The following STAM2 variants were observed in gnomAD, a reference collection of about 807,000 sequenced individuals.
STAM2 encodes the protein signal transducing adapter molecule 2.
In STAM2, 51 loss-of-function variants were observed where a neutral mutation model predicts 65.6. The ratio of observed to expected loss-of-function variants is 0.78; its 90% CI spans 0.62 to 0.98. The LOEUF (loss-of-function observed/expected upper bound fraction) is 0.98. Among genes scored for constraint, STAM2 ranks in the 50% least tolerant of loss-of-function variants. The probability of loss-of-function intolerance (pLI) is 0.00; values close to 1 mark genes in which losing one functional copy is unlikely to be tolerated. For missense variants in STAM2, 584 were observed against 617.8 expected (o/e 0.95, Z 0.58); for synonymous variants, 198 against 208.4 (o/e 0.95, Z 0.43).
intron 1 of STAM2, among the ~76,000 whole-genome samples, chr2:152,154,215 CAG>C (rs1487026219): frequency 6.6e-6 from 1 of 152,118 alleles, no homozygotes; most frequent in Non-Finnish European, 1.5e-5. Context: ...AAAAATCACT[CAG>C]TGGTGGTGGA....
At position 152,164,341 on chromosome 2, in the gene STAM2, C is replaced by CT. The variant is rs1195012082; in HGVS notation, c.40+11261dup. Among the ~76,000 whole-genome samples, 718 of 141,816 alleles carry CT rather than the reference C, an allele frequency of 5.1e-3. 3 individuals are homozygous for CT. The highest frequency in any genetic ancestry group is 5.4e-3 in the Non-Finnish European group (350 of 64,356). The allele number at this position is 141,816 out of a possible 152,430, so 93.0% of individuals were successfully genotyped here. Reference sequence around the variant, plus strand: ...GAATCAGGCAGAATGCCATGATTAACTTTTTTTTTTTTTTTTTGAGATGCA... The same window carrying CT: ...GAATCAGGCAGAATGCCATGATTAACTTTTTTTTTTTTTTTTTTGAGATGCA... On this transcript the variant is annotated intron_variant, in intron 1 of 13. Coordinates refer to ENST00000263904, the MANE Select transcript of STAM2 (RefSeq NM_005843.6).
intron 1 of STAM2, among the ~76,000 whole-genome samples, chr2:152,157,799 CA>C (rs1326271858): frequency 6.6e-6 from 1 of 152,152 alleles, no homozygotes; most frequent in Non-Finnish European, 1.5e-5. Flanking sequence ...GAATTTAGTT[CA>C]AAACCAAAAT....
chr2:152,120,297 C>A lies in STAM2; in HGVS notation c.*277G>T. ...TGTCATAAGGCTACTTAATGAGTAT[C>A]TAGATTTATGTAGAGAAATCTGAAA... is the stretch of plus-strand genomic sequence containing the variant. On this transcript the variant is annotated 3_prime_UTR_variant, in exon 14 of 14. Coordinates refer to ENST00000263904, the MANE Select transcript of STAM2 (RefSeq NM_005843.6). The A allele has an allele frequency of 2.4e-6, 1 of 425,204 alleles. No homozygotes were observed. The highest frequency in any genetic ancestry group is 4.4e-5 in the East Asian group (1 of 22,698). 26.3% of individuals were successfully genotyped at this position (425,204 alleles called of 1,614,324 possible).
intron 1 of STAM2, among the ~76,000 whole-genome samples, chr2:152,174,715 C>T (rs374538840): frequency 6.6e-6 from 1 of 152,248 alleles, no homozygotes; most frequent in South Asian, 2.1e-4. Context: ...AAAAAACAAA[C>T]CTGTAGTCCC....
intron 8 of STAM2, among the ~76,000 whole-genome samples, chr2:152,133,983 CTT>C (rs906930774): frequency 4.6e-5 from 7 of 152,088 alleles, no homozygotes; most frequent in African/African-American, 1.4e-4. Context: ...AAAAATAAAA[CTT>C]ATTTTAAGCT....
At chr2:152,172,871 AAAAAAAGAAAAAG>A (rs1689920838) in intron 1 of STAM2, among the ~76,000 whole-genome samples, 2 of 152,064 alleles carry the variant, frequency 1.3e-5, no homozygotes, top group East Asian at 1.9e-4. Context: ...TCAAAAAAAA[AAAAAAAGAAAAAG>A]AAAAAAGAAA....
At chr2:152,122,029 C>A (rs1688861456) in intron 13 of STAM2, among the ~76,000 whole-genome samples, 1 of 146,658 alleles carries the variant, frequency 6.8e-6, no homozygotes, top group Admixed American at 6.9e-5. Flanking sequence ...GCCTGGGTGA[C>A]AGAGTGAGAC....
intron 7 of STAM2, among the ~76,000 whole-genome samples, chr2:152,142,410 A>C (rs1689265277): frequency 6.6e-6 from 1 of 152,234 alleles, no homozygotes; most frequent in African/African-American, 2.4e-5. Flanking sequence ...AAGAGTATCA[A>C]AACGGTAAAC....
At position 152,132,167 on chromosome 2, in the gene STAM2, A is replaced by G; in HGVS notation, c.972T>C (p.Asp324=). 1 of 1,606,842 alleles carries G rather than the reference A, an allele frequency of 6.2e-7. No individual in the cohort carries two copies. The highest frequency in any genetic ancestry group is 8.5e-7 in the Non-Finnish European group (1 of 1,176,034). ...PDSQDLLDLE[D]ICQQMGPMID... ...TCATTGGACCCATCTGTTGGCAGAT[A>G]TCTGTAAATACAAAAATACTTACAA... Residue 324 remains aspartate (D), a splice_region_variant and synonymous_variant, in exon 11 of 14, where the codon GAT becomes GAC. Coordinates refer to ENST00000263904, the MANE Select transcript of STAM2 (RefSeq NM_005843.6).
chr2:152,164,407 T>C (rs1437060162), intron 1 of STAM2, among the ~76,000 whole-genome samples: 1 of 151,694 alleles, frequency 6.6e-6, no homozygotes, highest in Admixed American at 6.6e-5. Context: ...AATGGCACGA[T>C]CTTGGCTCAA....
chr2:152,127,539 G>GT lies in STAM2; in HGVS notation c.1026-1161dup, dbSNP rs1392169151. On this transcript the variant is annotated intron_variant, in intron 11 of 13. Transcript: ENST00000263904. ...ATATGATGGAAATTTAAAAACACTT[G>GT]TTAAAAAAAAACCACACACACACAT... 2.0e-5 allele frequency among the ~76,000 whole-genome samples: 3 copies of GT among 148,540 alleles called. No homozygotes were observed. In the East Asian group the frequency reaches 5.9e-4, roughly 29 times the overall value.
At chr2:152,169,608 A>G (rs974952996) in intron 1 of STAM2, among the ~76,000 whole-genome samples, 4 of 152,338 alleles carry the variant, frequency 2.6e-5, no homozygotes, top group African/African-American at 9.6e-5. Context: ...AGTAATGAGC[A>G]GGCAATTTAT....
chr2:152,132,218 C>A (rs1560212219), intron 10 of STAM2, 50 bp from the exon 11 acceptor site: 1 of 1,410,080 alleles, frequency 7.1e-7, no homozygotes, highest in Non-Finnish European at 1.0e-6. Flanking sequence ...CCAGTTTAAG[C>A]CAATTTCAAC....
chr2:152,161,056 G>C (rs190715472), intron 1 of STAM2, among the ~76,000 whole-genome samples: 2,869 of 152,346 alleles, frequency 0.019, 65 homozygotes, highest in African/African-American at 0.053. Context: ...GGAATAGAAG[G>C]GGGGGAAAGG....
intron 1 of STAM2, among the ~76,000 whole-genome samples, chr2:152,153,446 G>A (rs1689483654): frequency 1.3e-5 from 2 of 151,500 alleles, no homozygotes; most frequent in South Asian, 2.1e-4. Flanking sequence ...ACTATACTTC[G>A]TGAGTAAAGA....
chr2:152,135,508 C>T lies in STAM2; in HGVS notation c.799+1G>A, dbSNP rs763380772. 9 of 1,597,370 alleles carry T rather than the reference C, an allele frequency of 5.6e-6. No homozygotes were observed. The African/African-American group carries it at 8.1e-5, about 14-fold the overall frequency. Reference sequence around the variant, plus strand: ...CTAATGTCGTCTAAGATTTAACTTACCTGCCTCAGTCTCTATGTTTAAATT... The same window carrying T: ...CTAATGTCGTCTAAGATTTAACTTATCTGCCTCAGTCTCTATGTTTAAATT... On this transcript the variant is annotated splice_donor_variant, in intron 8 of 13. Transcript: ENST00000263904. LOFTEE classifies it high-confidence loss of function.
At chr2:152,134,523 G>C (rs1253519896) in intron 8 of STAM2, among the ~76,000 whole-genome samples, 1 of 152,152 alleles carries the variant, frequency 6.6e-6, no homozygotes, top group Non-Finnish European at 1.5e-5. Flanking sequence ...CACATACAAA[G>C]ACGATGTTAC....
intron 1 of STAM2, among the ~76,000 whole-genome samples, chr2:152,162,166 A>C (rs1689691177): frequency 6.6e-6 from 1 of 152,236 alleles, no homozygotes; most frequent in Non-Finnish European, 1.5e-5. Context: ...TACAGCTCTG[A>C]GTACTGAATG....
At chr2:152,167,463 A>G (rs1318650282) in intron 1 of STAM2, among the ~76,000 whole-genome samples, 1 of 152,266 alleles carries the variant, frequency 6.6e-6, no homozygotes, top group Non-Finnish European at 1.5e-5. Context: ...ACAAAGGATG[A>G]GGGAAAAGAA....
Sources: gnomAD v4.1 joint callset for allele counts (sites outside exome capture counted in the v4.1 genomes callset) on GRCh38, gnomAD v4.1.1 for gene constraint, MANE v1.5 for transcripts, NCBI Gene and HGNC (gene_info 2026-07-23, HGNC 2026-07-21) for gene names.